RACGAP1: variants seen among roughly 807,000 people sequenced by gnomAD.
RACGAP1 encodes Rac GTPase activating protein 1, also known as rac GTPase-activating protein 1.
RACGAP1 carries 30 observed loss-of-function variants against 78.1 expected under a neutral mutation model. That is an observed-to-expected ratio of 0.38 (90% CI 0.29 to 0.52). The LOEUF (loss-of-function observed/expected upper bound fraction) is 0.52. Among genes scored for constraint, RACGAP1 ranks in the 20% least tolerant of loss-of-function variants. The pLI, the probability that RACGAP1 is intolerant of heterozygous loss-of-function variation, is 0.82. For synonymous variants in RACGAP1, 231 were observed against 264.8 expected (o/e 0.87, Z 1.24); for missense variants, 587 against 777.1 (o/e 0.76, Z 2.91).
At chr12:50,026,459 A>T (rs1461033687), upstream of RACGAP1, among the ~76,000 whole-genome samples, 1 of 152,270 alleles carries the variant, frequency 6.6e-6, no homozygotes. Flanking sequence ...TCTATTGTAC[A>T]ACACAGTGAC....
Position 50,004,278 on chromosome 12 carries a change from G to A in RACGAP1, c.452C>T (p.Ser151Phe). The A allele has an allele frequency of 1.2e-6, 2 of 1,604,992 alleles. No individual in the cohort carries two copies. The highest frequency in any genetic ancestry group is 1.7e-6 in the Non-Finnish European group (2 of 1,172,634). ...KRLSTIDESG[S>F]ILSDISFDKT... Reference sequence around the variant, plus strand: ...GTCAAAGCTGATATCTGATAAAATGGAACCAGATTCATCAATGGTTGATAG... The same window carrying A: ...GTCAAAGCTGATATCTGATAAAATGAAACCAGATTCATCAATGGTTGATAG... Residue 151 changes from serine to phenylalanine, a missense_variant, in exon 5 of 17, where the codon TCC (serine) becomes TTC (phenylalanine). Transcript: ENST00000312377.
intron 2 of RACGAP1, among the ~76,000 whole-genome samples, chr12:50,006,899 T>C (rs1949009435): frequency 6.6e-6 from 1 of 152,192 alleles, no homozygotes; most frequent in South Asian, 2.1e-4. Flanking sequence ...ATGTAACTCA[T>C]TAGTCACCTG....
chr12:49,996,034 G>A (rs1400534212), intron 10 of RACGAP1, among the ~76,000 whole-genome samples: 2 of 152,164 alleles, frequency 1.3e-5, no homozygotes, highest in Admixed American at 1.3e-4. Context: ...CATAAAGGCT[G>A]GGTGCCATGG....
chr12:49,990,638 A>G (rs1355767843), intron 16 of RACGAP1, 46 bp downstream of exon 16: 1 of 1,432,054 alleles, frequency 7.0e-7, no homozygotes, highest in Non-Finnish European at 9.7e-7. Flanking sequence ...AAGAAGTCTA[A>G]GAAAGTAGTT....
At chr12:50,003,779 T>A (rs1948820049) in intron 5 of RACGAP1, among the ~76,000 whole-genome samples, 1 of 152,220 alleles carries the variant, frequency 6.6e-6, no homozygotes, top group African/African-American at 2.4e-5. Context: ...ATCACACTTT[T>A]CTGGCTGAAA....
intron 1 of RACGAP1, among the ~76,000 whole-genome samples, chr12:50,022,090 A>G (rs1443697621): frequency 6.6e-6 from 1 of 152,252 alleles, no homozygotes; most frequent in East Asian, 1.9e-4. Context: ...GAAGTTCAGC[A>G]TACTGAATAC....
At chr12:49,993,792 A>C (rs1466090896) in intron 12 of RACGAP1, among the ~76,000 whole-genome samples, 2 of 151,590 alleles carry the variant, frequency 1.3e-5, no homozygotes, top group Non-Finnish European at 2.9e-5. Context: ...CACGCCTGTA[A>C]TCGCAGCACT....
At chr12:49,998,741 A>C (rs1948466936) in intron 9 of RACGAP1, among the ~76,000 whole-genome samples, 1 of 151,902 alleles carries the variant, frequency 6.6e-6, no homozygotes, top group Admixed American at 6.6e-5. Flanking sequence ...TCTACAAAAA[A>C]TTTAAAAATT....
intron 9 of RACGAP1, among the ~76,000 whole-genome samples, chr12:49,998,776 G>A (rs1948469605): frequency 6.6e-6 from 1 of 151,166 alleles, no homozygotes. Flanking sequence ...GCACACATCT[G>A]TATCCCTACT....
At chr12:50,017,199 C>A (rs997266184) in intron 1 of RACGAP1, 1 of 522,676 alleles carries the variant, frequency 1.9e-6, no homozygotes, top group Non-Finnish European at 2.5e-6. Context: ...ATGGTCAGCA[C>A]ATTTCCTACC....
intron 9 of RACGAP1, 114 bp downstream of exon 9, chr12:49,999,027 G>T: frequency 7.8e-7 from 1 of 1,274,396 alleles, no homozygotes; most frequent in East Asian, 2.7e-5. Flanking sequence ...AAATTGGAAT[G>T]AGGAAGGAAA....
intron 2 of RACGAP1, among the ~76,000 whole-genome samples, chr12:50,008,173 A>G (rs1464038343): frequency 4.4e-5 from 6 of 135,564 alleles, no homozygotes; most frequent in Non-Finnish European, 9.6e-5. Context: ...AAATGTGAAA[A>G]AAAAAAAAAA....
intron 2 of RACGAP1, among the ~76,000 whole-genome samples, chr12:50,008,203 T>C (rs2137475920): frequency 2.4e-5 from 3 of 123,122 alleles, no homozygotes; most frequent in Admixed American, 1.5e-4. Flanking sequence ...AAGATATTAC[T>C]TTTTTTTTTT....
rs760301078 is a variant in RACGAP1 at position 49,990,800 on chromosome 12, G to T, written c.1715-8C>A. On this transcript the variant is annotated splice_region_variant and splice_polypyrimidine_tract_variant and intron_variant, in intron 15 of 16. Coordinates refer to ENST00000312377, the MANE Select transcript of RACGAP1 (RefSeq NM_001319999.2). ...CAGGTCCCAGTAAACTCACTTCAAA[G>T]TTCAGACATATTTTTAAGAGAGGTG... is the stretch of plus-strand genomic sequence containing the variant. The T allele has an allele frequency of 3.7e-6, 6 of 1,601,644 alleles. No individual in the cohort carries two copies. The highest frequency in any genetic ancestry group is 1.1e-5 in the South Asian group (1 of 90,344).
intron 15 of RACGAP1, among the ~76,000 whole-genome samples, chr12:49,991,479 ATTTTTTTTTTT>A (rs1197357619): frequency 4.2e-5 from 1 of 24,094 alleles, no homozygotes; most frequent in Admixed American, 5.8e-4. Flanking sequence ...ATATATATAT[ATTTTTTTTTTT>A]TTTTTTTTTT....
chr12:49,991,377 TA>T (rs1205122264), intron 15 of RACGAP1, among the ~76,000 whole-genome samples: 4 of 141,878 alleles, frequency 2.8e-5, no homozygotes, highest in African/African-American at 1.0e-4. Context: ...AACATTTAAG[TA>T]AATGATAAAT....
At chr12:49,998,367 G>C (rs2137325187) in intron 9 of RACGAP1, among the ~76,000 whole-genome samples, 1 of 151,950 alleles carries the variant, frequency 6.6e-6, no homozygotes, top group East Asian at 1.9e-4. Flanking sequence ...TCGCACCACT[G>C]CACTCCAGCC....
upstream of RACGAP1, chr12:50,025,563 A>G (rs1423376046): frequency 2.0e-6 from 2 of 984,272 alleles, no homozygotes; most frequent in South Asian, 4.7e-5. Flanking sequence ...CGTACGCGTC[A>G]GGGCCACGCG....
At chr12:49,990,389 G>C (rs376678962) in intron 16 of RACGAP1, 46 bp from the exon 17 acceptor site, 7 of 1,502,112 alleles carry the variant, frequency 4.7e-6, no homozygotes, top group Non-Finnish European at 6.5e-6. Flanking sequence ...TATAAAAAAT[G>C]GTTGAATAAA....
Sources: gnomAD v4.1 joint callset for allele counts (sites outside exome capture counted in the v4.1 genomes callset) on GRCh38, gnomAD v4.1.1 for gene constraint, MANE v1.5 for transcripts, NCBI Gene and HGNC (gene_info 2026-07-23, HGNC 2026-07-21) for gene names.